Variants in RTN3 observed in about 807,000 individuals in gnomAD.
RTN3 encodes the protein reticulon-3.
RTN3 carries 49 observed loss-of-function variants against 77.8 expected under a neutral mutation model. That is an observed-to-expected ratio of 0.63 (90% CI 0.50 to 0.80). The LOEUF (loss-of-function observed/expected upper bound fraction) is 0.80. Ranked by LOEUF, RTN3 falls within the 30% of genes least tolerant of loss-of-function variation. RTN3 has a pLI of 0.00. For synonymous variants in RTN3, 464 were observed against 446.9 expected (o/e 1.04, Z -0.48); for missense variants, 1,236 against 1,211.9 (o/e 1.02, Z -0.29).
chr11:63,714,739 T>C (rs1318110040), intron 2 of RTN3, among the ~76,000 whole-genome samples: 2 of 151,996 alleles, frequency 1.3e-5, no homozygotes, highest in Non-Finnish European at 1.5e-5. Flanking sequence ...TCTTGACCTC[T>C]TGGACTCAAG....
chr11:63,684,237 C>G (rs1255111604), intron 1 of RTN3, among the ~76,000 whole-genome samples: 1 of 144,628 alleles, frequency 6.9e-6, no homozygotes, highest in Non-Finnish European at 1.5e-5. Flanking sequence ...CAACCTCCAT[C>G]TCCCAGGTTC....
intron 1 of RTN3, among the ~76,000 whole-genome samples, chr11:63,697,164 G>A (rs1040350976): frequency 2.0e-5 from 3 of 151,892 alleles, no homozygotes; most frequent in East Asian, 1.9e-4. Context: ...GATTACAGGC[G>A]TGAGCCATCG....
chr11:63,684,055 G>A (rs1166412399), intron 1 of RTN3, among the ~76,000 whole-genome samples: 1 of 125,658 alleles, frequency 8.0e-6, no homozygotes, highest in African/African-American at 3.0e-5. Context: ...GGGTTCAAAT[G>A]ATTCTCATGC....
chr11:63,694,555 G>A (rs1242635731), intron 1 of RTN3, among the ~76,000 whole-genome samples: 1 of 151,972 alleles, frequency 6.6e-6, no homozygotes, highest in Non-Finnish European at 1.5e-5. Context: ...TCACTACAAC[G>A]TCCATGTCCT....
At chr11:63,755,651 CAAAAAAA>C (rs776039864) in intron 7 of RTN3, among the ~76,000 whole-genome samples, 6 of 17,060 alleles carry the variant, frequency 3.5e-4, no homozygotes, top group African/African-American at 7.1e-4. Flanking sequence ...AATTCCATCT[CAAAAAAA>C]AAAAAAAAAA....
intron 3 of RTN3, among the ~76,000 whole-genome samples, chr11:63,721,339 C>T (rs1343894264): frequency 2.0e-5 from 3 of 152,098 alleles, no homozygotes; most frequent in Non-Finnish European, 2.9e-5. Flanking sequence ...CTTTGGGAGG[C>T]CGAGACGGGC....
At chr11:63,693,893 G>C (rs1358612556) in intron 1 of RTN3, among the ~76,000 whole-genome samples, 1 of 152,156 alleles carries the variant, frequency 6.6e-6, no homozygotes, top group Non-Finnish European at 1.5e-5. Flanking sequence ...AGGCCAAGAT[G>C]GGAGGATTGC....
chr11:63,734,664 G>A (rs1201325), intron 3 of RTN3, among the ~76,000 whole-genome samples: 8 of 151,408 alleles, frequency 5.3e-5, no homozygotes, highest in Non-Finnish European at 5.9e-5. Flanking sequence ...CCCAGGAGGC[G>A]GAGGTTGCAA....
intron 1 of RTN3, 40 bp from the exon 2 acceptor site, chr11:63,704,811 G>C: frequency 7.0e-7 from 1 of 1,436,634 alleles, no homozygotes; most frequent in Non-Finnish European, 9.8e-7. Flanking sequence ...AAATTCCTGT[G>C]TGAGGTTGTC....
chr11:63,756,501 T>C (rs1419603641), intron 8 of RTN3, among the ~76,000 whole-genome samples: 1 of 151,618 alleles, frequency 6.6e-6, no homozygotes, highest in African/African-American at 2.4e-5. Flanking sequence ...TAGCTAGGCC[T>C]TGTCTCTACT....
intron 3 of RTN3, among the ~76,000 whole-genome samples, chr11:63,734,781 A>ACC (rs71039667): frequency 0.065 from 6,848 of 104,970 alleles, 596 homozygotes; most frequent in East Asian, 0.13. Flanking sequence ...ACACACACAC[A>ACC]CCATACTGGA....
Position 63,719,737 on chromosome 11 carries a change from A to C in RTN3, c.1235A>C (p.Gln412Pro). Residue 412 changes from glutamine (Q) to proline (P), a missense_variant, in exon 3 of 9, where the codon CAA becomes CCA. Coordinates refer to ENST00000377819, the MANE Select transcript of RTN3 (RefSeq NM_001265589.2). ...GATTGGGCAGAAGCATCTCTCCAGC[A>C]AGAAAATGCTATTACTGGAAAACCT... is the stretch of plus-strand genomic sequence containing the variant. ...TGDWAEASLQ[Q>P]ENAITGKPVP... The C allele has an allele frequency of 6.2e-7, 1 of 1,614,208 alleles. No individual in the cohort carries two copies. Among genetic ancestry groups the C allele is most frequent in the Non-Finnish European group, 8.5e-7 (1 of 1,180,032 alleles).
chr11:63,700,852 G>C (rs1483754144), intron 1 of RTN3, among the ~76,000 whole-genome samples: 2 of 151,950 alleles, frequency 1.3e-5, no homozygotes, highest in African/African-American at 2.4e-5. Context: ...AGCACTTTGG[G>C]AGGCTGAGGC....
At chr11:63,716,030 C>T (rs1232916942) in intron 2 of RTN3, among the ~76,000 whole-genome samples, 3 of 152,182 alleles carry the variant, frequency 2.0e-5, no homozygotes, top group African/African-American at 7.2e-5. Context: ...ATATGAATTA[C>T]AGTTTACTTC....
At position 63,720,185 on chromosome 11, in the gene RTN3, C is replaced by A. The variant is rs2011653060; in HGVS notation, c.1683C>A (p.Asp561Glu). 1.2e-6 allele frequency: 2 copies of A among 1,614,124 alleles called. No homozygotes were observed. The highest frequency in any genetic ancestry group is 1.3e-5 in the African/African-American group (1 of 75,038). The change falls in exon 3 of 9, where the codon GAC (aspartate) becomes GAA (glutamate). Residue 561 changes from aspartate (D) to glutamate (E), a missense_variant. Transcript: ENST00000377819. ...TSKNFEELVSDSELHQDQPDI... is the reference protein window; with the variant it reads ...TSKNFEELVSESELHQDQPDI... ...AAAACTTTGAAGAATTGGTCAGTGACTCTGAGCTGCATCAAGATCAGCCTG... is the reference window on the plus strand; with the variant it reads ...AAAACTTTGAAGAATTGGTCAGTGAATCTGAGCTGCATCAAGATCAGCCTG...
chr11:63,734,781 A>ACACCCCCCCCC (rs778043704), intron 3 of RTN3, among the ~76,000 whole-genome samples: 1 of 105,000 alleles, frequency 9.5e-6, no homozygotes, highest in African/African-American at 3.9e-5. Context: ...ACACACACAC[A>ACACCCCCCCCC]CCATACTGGA....
rs781624331 is a variant in RTN3 at position 63,719,016 on chromosome 11, A to G, written c.514A>G (p.Lys172Glu). The G allele has an allele frequency of 6.2e-7, 1 of 1,614,202 alleles. No individual in the cohort carries two copies. Among genetic ancestry groups the G allele is most frequent in the Non-Finnish European group, 8.5e-7 (1 of 1,180,034 alleles). ...AGAGCATCCTGCTTTTCTCTCAAAG[A>G]AAATTGGTCAAGTGGAAGAGCAAAT... ...FPEHPAFLSKKIGQVEEQIDK... is the reference protein window; with the variant it reads ...FPEHPAFLSKEIGQVEEQIDK... The change falls in exon 3 of 9, where the codon AAA becomes GAA. Residue 172 changes from lysine (K) to glutamate (E), a missense_variant. Around this residue, in one of 3 missense-constraint regions of RTN3, gnomAD observed 1,056 missense variants for 990.4 expected, o/e 1.07. Transcript: ENST00000377819.
chr11:63,743,509 A>T (rs1165691037), intron 3 of RTN3, among the ~76,000 whole-genome samples: 1 of 152,188 alleles, frequency 6.6e-6, no homozygotes, highest in Non-Finnish European at 1.5e-5. Context: ...TATTTTGATT[A>T]TTGAATGTTA....
At chr11:63,699,901 T>G (rs1942150920) in intron 1 of RTN3, among the ~76,000 whole-genome samples, 1 of 152,218 alleles carries the variant, frequency 6.6e-6, no homozygotes, top group Non-Finnish European at 1.5e-5. Flanking sequence ...AATGGTTTCA[T>G]TAATGGCATT....
Sources: gnomAD v4.1 joint callset for allele counts (sites outside exome capture counted in the v4.1 genomes callset) on GRCh38, gnomAD v4.1.1 for gene constraint, gnomAD v4.1.1 regional missense constraint, MANE v1.5 for transcripts, NCBI Gene and HGNC (gene_info 2026-07-23, HGNC 2026-07-21) for gene names.